Variants in CLASP2 observed in about 807,000 individuals in gnomAD.
CLASP2 encodes cytoplasmic linker associated protein 2, also known as CLIP-associating protein 2.
CLASP2 carries 47 observed loss-of-function variants against 194.4 expected under a neutral mutation model. The observed-to-expected ratio is 0.24, with a 90% CI of 0.19 to 0.31. The LOEUF (loss-of-function observed/expected upper bound fraction) is 0.31, where lower values mean the gene tolerates loss of function less well. Ranked by LOEUF, CLASP2 falls within the 10% of genes least tolerant of loss-of-function variation. The probability of loss-of-function intolerance (pLI) is 1.00; values close to 1 mark genes in which losing one functional copy is unlikely to be tolerated. For missense variants in CLASP2, 1,445 were observed against 1,823.6 expected, an observed-to-expected ratio of 0.79 and a Z score of 3.78; for synonymous variants, 619 against 633.5, an observed-to-expected ratio of 0.98 and a Z score of 0.34.
chr3:33,543,945 TA>T (rs2058761343), intron 31 of CLASP2, among the ~76,000 whole-genome samples: 1 of 152,204 alleles, frequency 6.6e-6, no homozygotes, highest in South Asian at 2.1e-4. Flanking sequence ...ATTCTTAAGA[TA>T]TGATGAAATA....
chr3:33,563,544 G>A (rs1235835721), intron 27 of CLASP2, among the ~76,000 whole-genome samples: 1 of 152,144 alleles, frequency 6.6e-6, no homozygotes, highest in Non-Finnish European at 1.5e-5. Flanking sequence ...TTTTGTAACA[G>A]GCCAGATAGT....
intron 27 of CLASP2, chr3:33,563,955 G>A (rs1365457791): frequency 4.4e-6 from 2 of 455,188 alleles, no homozygotes; most frequent in Admixed American, 4.7e-5. Context: ...TTTACACACA[G>A]TATGTGACTC....
At chr3:33,551,612 C>T (rs771547404) in intron 29 of CLASP2, among the ~76,000 whole-genome samples, 11 of 152,100 alleles carry the variant, frequency 7.2e-5, no homozygotes, top group Non-Finnish European at 1.5e-4. Flanking sequence ...AGCCATCATG[C>T]CCAGCCAGGT....
chr3:33,574,425 A>G (rs1405762386), intron 24 of CLASP2: 1 of 1,246,110 alleles, frequency 8.0e-7, no homozygotes, highest in African/African-American at 1.5e-5. Context: ...GATGAAAGAA[A>G]AAAAAGTTAT....
At chr3:33,571,033 T>TTTTTTTTTTTTTTTTTTTTTGTG (rs1442750880) in intron 25 of CLASP2, among the ~76,000 whole-genome samples, 1 of 147,472 alleles carries the variant, frequency 6.8e-6, no homozygotes, top group Admixed American at 7.0e-5. Context: ...TTTTTTTTTT[T>TTTTTTTTTTTTTTTTTTTTTGTG]GAGACGGAGT....
intron 21 of CLASP2, among the ~76,000 whole-genome samples, chr3:33,585,247 T>C (rs959547984): frequency 6.6e-6 from 1 of 152,218 alleles, no homozygotes; most frequent in Admixed American, 6.5e-5. Flanking sequence ...AAATCACTTA[T>C]CTGACAATCC....
At chr3:33,711,444 G>A (rs1247064026) in intron 1 of CLASP2, among the ~76,000 whole-genome samples, 1 of 146,802 alleles carries the variant, frequency 6.8e-6, no homozygotes, top group African/African-American at 2.5e-5. Context: ...TTTTTTGGTA[G>A]AGACAGGGTT....
At chr3:33,521,618 T>A (rs1047137313) in intron 34 of CLASP2, among the ~76,000 whole-genome samples, 2 of 152,200 alleles carry the variant, frequency 1.3e-5, no homozygotes, top group Non-Finnish European at 2.9e-5. Flanking sequence ...AGAACACTGA[T>A]GGAGACATGA....
intron 2 of CLASP2, among the ~76,000 whole-genome samples, chr3:33,692,443 A>G (rs558398948): frequency 6.6e-6 from 1 of 152,340 alleles, no homozygotes; most frequent in Admixed American, 6.5e-5. Context: ...ACTTCACATT[A>G]CATAAAATTA....
At chr3:33,689,176 C>T (rs1327232416) in intron 3 of CLASP2, among the ~76,000 whole-genome samples, 1 of 129,338 alleles carries the variant, frequency 7.7e-6, no homozygotes, top group East Asian at 2.2e-4. Flanking sequence ...TAAGAAATTA[C>T]AAAAAAAAAA....
At chr3:33,682,022 T>C (rs1464574539) in intron 6 of CLASP2, among the ~76,000 whole-genome samples, 1 of 150,522 alleles carries the variant, frequency 6.6e-6, no homozygotes, top group African/African-American at 2.4e-5. Context: ...CTTTCCACTG[T>C]GAGTAGAAGC....
At chr3:33,602,547 T>A (rs1405428858) in intron 18 of CLASP2, 5 of 762,916 alleles carry the variant, frequency 6.6e-6, no homozygotes, top group African/African-American at 1.7e-5. Context: ...TTAGACAGAG[T>A]AGAGCTTTGC....
At chr3:33,517,281 C>T in intron 34 of CLASP2, 107 bp from the exon 35 acceptor site, 1 of 857,054 alleles carries the variant, frequency 1.2e-6, no homozygotes, top group Non-Finnish European at 1.7e-6. Flanking sequence ...ATCATGTTTG[C>T]TGTAAAAAAG....
At chr3:33,575,753 CTT>C (rs2064733280) in intron 24 of CLASP2, among the ~76,000 whole-genome samples, 1 of 151,686 alleles carries the variant, frequency 6.6e-6, no homozygotes, top group South Asian at 2.1e-4. Context: ...TGAGGTTGTA[CTT>C]TCTTTTAGTT....
At chr3:33,543,110 C>T (rs543058632) in intron 32 of CLASP2, among the ~76,000 whole-genome samples, 12 of 152,276 alleles carry the variant, frequency 7.9e-5, no homozygotes, top group South Asian at 2.1e-4. Context: ...TGGTACCTCA[C>T]GCCTGTAATC....
chr3:33,629,807 A>C (rs970029777), intron 9 of CLASP2, among the ~76,000 whole-genome samples: 3 of 150,434 alleles, frequency 2.0e-5, no homozygotes, highest in South Asian at 2.1e-4. Context: ...AAAAAAAAAA[A>C]CGAGAGAACC....
chr3:33,674,078 C>T (rs966858602), intron 6 of CLASP2, among the ~76,000 whole-genome samples: 2 of 152,182 alleles, frequency 1.3e-5, no homozygotes, highest in Non-Finnish European at 2.9e-5. Flanking sequence ...GAATTCAGCT[C>T]TGCACCAAGC....
At chr3:33,529,984 C>CA (rs1169927619) in intron 34 of CLASP2, among the ~76,000 whole-genome samples, 7,041 of 32,100 alleles carry the variant, frequency 0.22, 2,153 homozygotes, top group East Asian at 0.32. Context: ...GACTCCGTCT[C>CA]AAAAAAAAAA....
chr3:33,603,130 G>C lies in CLASP2; in HGVS notation c.1751-5C>G. On this transcript the variant is annotated splice_region_variant and splice_polypyrimidine_tract_variant and intron_variant, in intron 17 of 38. Transcript: ENST00000682230. ...CTTTGCTGCTGCCTGCTGATACTAC[G>C]AAATACAAAGCAAAGATAACTTATA... 6.4e-7 allele frequency: 1 copy of C among 1,556,780 alleles called. No individual in the cohort carries two copies. Among genetic ancestry groups the C allele is most frequent in the South Asian group, 1.2e-5 (1 of 84,734 alleles).
Sources: allele counts gnomAD v4.1 joint callset (sites outside exome capture counted in the v4.1 genomes callset), GRCh38; gene constraint gnomAD v4.1.1; transcripts MANE v1.5; gene names NCBI Gene and HGNC (gene_info 2026-07-23, HGNC 2026-07-21).